CLIC5: variants seen among roughly 807,000 people sequenced by gnomAD.
CLIC5 encodes the protein CLIC family member 5.
CLIC5 carries 20 observed loss-of-function variants against 24.7 expected under a neutral mutation model. That is an observed-to-expected ratio of 0.81 (90% CI 0.57 to 1.18). CLIC5 has a LOEUF of 1.18. Ranked by LOEUF, CLIC5 falls within the 50% of genes most tolerant of loss-of-function variation. The probability of loss-of-function intolerance (pLI) is 0.00; values close to 1 mark genes in which losing one functional copy is unlikely to be tolerated. For synonymous variants in CLIC5, 159 were observed against 135.6 expected, an observed-to-expected ratio of 1.17 and a Z score of -1.20; for missense variants, 341 against 326.1, an observed-to-expected ratio of 1.05 and a Z score of -0.35.
At chr6:46,097,778 A>G in the CLIC5 span, among the ~76,000 whole-genome samples, 1 of 152,236 alleles carries the variant, frequency 6.6e-6, no homozygotes, top group Non-Finnish European at 1.5e-5. Flanking sequence ...AATTCTCTAT[A>G]TCGGTATCTC....
intron 5 of CLIC5, among the ~76,000 whole-genome samples, chr6:45,908,561 T>A (rs1034962306): frequency 9.2e-5 from 14 of 152,238 alleles, no homozygotes; most frequent in Non-Finnish European, 1.5e-4. Flanking sequence ...AGTTGTTTAA[T>A]TTCATGTAAT....
At chr6:45,932,641 G>A (rs1005246772) in intron 4 of CLIC5, 1 of 152,358 alleles carries the variant, frequency 6.6e-6, no homozygotes, top group African/African-American at 2.4e-5. Flanking sequence ...GGACAGGGAT[G>A]AGTTGTTGGG....
At chr6:45,923,214 A>G (rs1763346503) in intron 4 of CLIC5, among the ~76,000 whole-genome samples, 1 of 152,210 alleles carries the variant, frequency 6.6e-6, no homozygotes, top group Non-Finnish European at 1.5e-5. Flanking sequence ...TTTTATGGTT[A>G]CTTTATAACA....
At chr6:46,014,244 A>C (rs1766911677) in intron 1 of CLIC5, 1 of 152,270 alleles carries the variant, frequency 6.6e-6, no homozygotes, top group Non-Finnish European at 1.5e-5. Context: ...AGTGTAAAGT[A>C]AGTCACATTT....
chr6:45,972,778 A>T (rs932951680), intron 1 of CLIC5, among the ~76,000 whole-genome samples: 1 of 152,252 alleles, frequency 6.6e-6, no homozygotes, highest in Non-Finnish European at 1.5e-5. Flanking sequence ...AACAATCGGA[A>T]GACCTTTAAA....
chr6:46,038,545 A>G (rs1334987594), intron 1 of CLIC5, among the ~76,000 whole-genome samples: 1 of 152,238 alleles, frequency 6.6e-6, no homozygotes, highest in Admixed American at 6.5e-5. Context: ...ATGAGAGTGA[A>G]AAAGAAAAGG....
chr6:46,010,083 C>T (rs1472927570), intron 1 of CLIC5, among the ~76,000 whole-genome samples: 4 of 152,166 alleles, frequency 2.6e-5, no homozygotes, highest in African/African-American at 9.7e-5. Flanking sequence ...TCAGCTCCAA[C>T]AATCGGGAAC....
At chr6:46,025,964 C>T (rs1767320569) in intron 1 of CLIC5, among the ~76,000 whole-genome samples, 1 of 152,138 alleles carries the variant, frequency 6.6e-6, no homozygotes, top group Admixed American at 6.6e-5. Flanking sequence ...GGCCTCCCAG[C>T]CATGTGGAAT....
At chr6:46,063,397 G>A (rs1286693819) in intron 1 of CLIC5, among the ~76,000 whole-genome samples, 1 of 152,166 alleles carries the variant, frequency 6.6e-6, no homozygotes, top group Non-Finnish European at 1.5e-5. Context: ...TGAAATGATG[G>A]TTTTCAGACA....
rs749655313 is a variant in CLIC5, at chr6:45,955,243, G to A, written c.65C>T (p.Ala22Val). The A allele has an allele frequency of 6.2e-7, 1 of 1,612,568 alleles. No individual in the cohort carries two copies. Among genetic ancestry groups the A allele is most frequent in the African/African-American group, 1.3e-5 (1 of 74,878 alleles). Residue 22 changes from alanine to valine, a missense_variant and splice_region_variant, in exon 2 of 6, where the codon GCT (alanine) becomes GTT (valine). Transcript: ENST00000339561. ...RDPEIELFVK[A>V]GIDGESIGNC... ...GCCGATGCTTTCTCCATCGATTCCAGCCTGGAAAGAAGAGAACCAGTGTCC... is the reference window on the plus strand; with the variant it reads ...GCCGATGCTTTCTCCATCGATTCCAACCTGGAAAGAAGAGAACCAGTGTCC...
rs961772789 is a variant in CLIC5 at position 45,998,058 on chromosome 6, A to G, written c.63+17422T>C. ...GGAATGTGTGACCTCATAAGACAGT[A>G]TTCTCCTTTCTCAGGTAATCTGTCC... On this transcript the variant is annotated intron_variant, in intron 1 of 5. Transcript: ENST00000339561. Among the ~76,000 whole-genome samples, 6 of 152,230 alleles carry G rather than the reference A, an allele frequency of 3.9e-5. No homozygotes were observed. The South Asian group carries it at 8.3e-4, about 21-fold the overall frequency.
At chr6:46,032,482 CT>C (rs1767531064) in intron 1 of CLIC5, among the ~76,000 whole-genome samples, 2 of 152,140 alleles carry the variant, frequency 1.3e-5, no homozygotes, top group South Asian at 2.1e-4. Context: ...TGACTTTCTC[CT>C]TTTTTCACAA....
chr6:45,988,745 G>C (rs1039091119), intron 1 of CLIC5, among the ~76,000 whole-genome samples: 7 of 152,238 alleles, frequency 4.6e-5, no homozygotes. Context: ...AAAGGCTGCT[G>C]CTGACTTCTC....
At chr6:46,012,864 T>C (rs759648445) in intron 1 of CLIC5, among the ~76,000 whole-genome samples, 1 of 152,236 alleles carries the variant, frequency 6.6e-6, no homozygotes, top group Non-Finnish European at 1.5e-5. Flanking sequence ...TTATTTGTTT[T>C]CTTTATCTTT....
chr6:45,950,352 G>A (rs188510527), intron 2 of CLIC5, among the ~76,000 whole-genome samples: 1 of 152,090 alleles, frequency 6.6e-6, no homozygotes, highest in Non-Finnish European at 1.5e-5. Flanking sequence ...CTTGAGCCCA[G>A]GAGTTCGAGA....
chr6:45,900,522 C>G lies in CLIC5; in HGVS notation c.*2566G>C, dbSNP rs1762482985. The stretch of plus-strand genomic sequence containing the variant: ...GGCTGAAGCATCTGGAGAAAGATCT[C>G]TTTTGAAACAAAAAAAAAAAGGAAG... On this transcript the variant is annotated 3_prime_UTR_variant, in exon 6 of 6. Coordinates refer to ENST00000339561, the MANE Select transcript of CLIC5 (RefSeq NM_016929.5). 3.0e-5 allele frequency: 2 copies of G among 66,976 alleles called. No homozygotes were observed. The highest frequency in any genetic ancestry group is 5.0e-4 in the South Asian group (1 of 2,006). The allele number at this position is 66,976 out of a possible 1,614,324, so 4.1% of individuals were successfully genotyped here.
intron 1 of CLIC5, among the ~76,000 whole-genome samples, chr6:45,994,126 T>A (rs926635708): frequency 1.3e-5 from 2 of 152,140 alleles, no homozygotes; most frequent in Non-Finnish European, 2.9e-5. Context: ...AGACCACATC[T>A]TCAGTGAAGG....
intron 1 of CLIC5, among the ~76,000 whole-genome samples, chr6:46,010,902 T>C (rs73738333): frequency 1.3e-5 from 2 of 152,150 alleles, no homozygotes; most frequent in African/African-American, 4.8e-5. Flanking sequence ...AAAAACCTAG[T>C]GAGCTCATGC....
the CLIC5 span, among the ~76,000 whole-genome samples, chr6:46,091,856 T>A: frequency 0.13 from 20,204 of 152,188 alleles, 1,834 homozygotes; most frequent in South Asian, 0.33. Context: ...TGATTTTATA[T>A]CCTTTAGATA....
Sources: allele counts gnomAD v4.1 joint callset (sites outside exome capture counted in the v4.1 genomes callset), GRCh38; gene constraint gnomAD v4.1.1; transcripts MANE v1.5; gene names NCBI Gene and HGNC (gene_info 2026-07-23, HGNC 2026-07-21).